STT3A: variants seen among roughly 807,000 people sequenced by gnomAD.
STT3A encodes the protein dolichyl-diphosphooligosaccharide--protein glycosyltransferase subunit STT3A.
In STT3A, 34 loss-of-function variants were observed where a neutral mutation model predicts 89.2. The ratio of observed to expected loss-of-function variants is 0.38; its 90% CI spans 0.29 to 0.51. The LOEUF is 0.51. STT3A is among the 20% of genes least tolerant of loss of function. The pLI, the probability that STT3A is intolerant of heterozygous loss-of-function variation, is 0.89. For synonymous variants in STT3A, 282 were observed against 310.3 expected (o/e 0.91, Z 0.96); for missense variants, 555 against 889.5 (o/e 0.62, Z 4.78).
At chr11:125,604,558 A>G (rs1045278215) in intron 6 of STT3A, among the ~76,000 whole-genome samples, 4 of 152,184 alleles carry the variant, frequency 2.6e-5, no homozygotes, top group Non-Finnish European at 5.9e-5. Flanking sequence ...AATTTTAATG[A>G]CTGATTGACT....
At chr11:125,595,035 C>T (rs758915942) in intron 1 of STT3A, 8 of 152,020 alleles carry the variant, frequency 5.3e-5, no homozygotes, top group Non-Finnish European at 1.0e-4. Context: ...TTAGTTGACC[C>T]GACAGCCCCA....
rs6590152 is a variant in STT3A, at chr11:125,607,992, G to A, written c.781-117G>A. Reference sequence around the variant, plus strand: ...TCCCTAGATTGGCCCTGATTCCTTCGGGGCCTCAGAACTCATTTGACCATT... The same window carrying A: ...TCCCTAGATTGGCCCTGATTCCTTCAGGGCCTCAGAACTCATTTGACCATT... On this transcript the variant is annotated intron_variant, in intron 8 of 17. Coordinates refer to ENST00000392708, the MANE Select transcript of STT3A (RefSeq NM_152713.5). The A allele has an allele frequency of 0.29, 311,587 of 1,083,356 alleles. 45,741 individuals are homozygous for A. The highest frequency in any genetic ancestry group is 0.38 in the East Asian group (14,525 of 37,956). 67.1% of individuals were successfully genotyped at this position (1,083,356 alleles called of 1,614,324 possible).
At chr11:125,606,789 A>T (rs1258736097) in intron 8 of STT3A, among the ~76,000 whole-genome samples, 1 of 152,174 alleles carries the variant, frequency 6.6e-6, no homozygotes. Context: ...AGATGACCCC[A>T]TGTAGTAGCA....
Position 125,623,041 on chromosome 11 carries a change from A to G in STT3A, c.*2231A>G, listed in dbSNP as rs535195134. On this transcript the variant is annotated 3_prime_UTR_variant, in exon 18 of 18. Coordinates refer to ENST00000392708, the MANE Select transcript of STT3A (RefSeq NM_152713.5). ...AGCAGACATCATGCCACTGCACTCCAACCTGGGAGACAGAGCAAGACTGTC... is the reference window on the plus strand; with the variant it reads ...AGCAGACATCATGCCACTGCACTCCGACCTGGGAGACAGAGCAAGACTGTC... 1 of 144,908 alleles carries G rather than the reference A, an allele frequency of 6.9e-6. No individual in the cohort carries two copies. The highest frequency in any genetic ancestry group is 2.0e-4 in the East Asian group (1 of 4,956). The allele number at this position is 144,908 out of a possible 1,614,324, so 9.0% of individuals were successfully genotyped here. A position where few individuals can be genotyped will look rare whatever the true frequency, so the allele number is the denominator to read the frequency against.
At chr11:125,609,246 G>T (rs930914362) in intron 9 of STT3A, among the ~76,000 whole-genome samples, 188 bp from the exon 10 acceptor site, 1 of 152,152 alleles carries the variant, frequency 6.6e-6, no homozygotes, top group African/African-American at 2.4e-5. Flanking sequence ...TGGCAGTGCT[G>T]ACAAAAGTAC....
Position 125,613,758 on chromosome 11 carries a change from T to G in STT3A, c.1555-329T>G, listed in dbSNP as rs141815307. On this transcript the variant is annotated intron_variant, in intron 13 of 17. Coordinates refer to ENST00000392708, the MANE Select transcript of STT3A (RefSeq NM_152713.5). This position sits in a 1 kb window ranked among gnomAD's most constrained non-coding sequence, Gnocchi z 4.2. ...TTTTGCAATTCTGTTAAAAGGTTAT[T>G]TAAGAAAATTGTCTAATGACACTAG... is the stretch of plus-strand genomic sequence containing the variant. 141 of 198,618 alleles carry G rather than the reference T, an allele frequency of 7.1e-4. No individual in the cohort carries two copies. The highest frequency in any genetic ancestry group is 1.2e-3 in the Non-Finnish European group (117 of 97,396). 12.3% of individuals were successfully genotyped at this position (198,618 alleles called of 1,614,324 possible).
Position 125,622,401 on chromosome 11 carries a change from T to A in STT3A, c.*1591T>A, listed in dbSNP as rs505232. ...GGAAGAGGTTATTCTGAATTATTTATCAATATGATTAATACCAGTTAGAAA... is the reference window on the plus strand; with the variant it reads ...GGAAGAGGTTATTCTGAATTATTTAACAATATGATTAATACCAGTTAGAAA... On this transcript the variant is annotated 3_prime_UTR_variant, in exon 18 of 18. Coordinates refer to ENST00000392708, the MANE Select transcript of STT3A (RefSeq NM_152713.5). 0.28 allele frequency: 42,339 copies of A among 152,134 alleles called. 6,097 individuals are homozygous for A. The highest frequency in any genetic ancestry group is 0.41 in the East Asian group (2,091 of 5,162). 9.4% of individuals were successfully genotyped at this position (152,134 alleles called of 1,614,324 possible). A position where few individuals can be genotyped will look rare whatever the true frequency, so the allele number is the denominator to read the frequency against.
At position 125,616,815 on chromosome 11, in the gene STT3A, C is replaced by A. The variant is rs182785146; in HGVS notation, c.1775-1558C>A. On this transcript the variant is annotated intron_variant, in intron 15 of 17. Coordinates refer to ENST00000392708, the MANE Select transcript of STT3A (RefSeq NM_152713.5). ...ACCTCAGCCTCCTGAGTAGCTGGGA[C>A]TACAGGCACACACCACCATGCCCGG... 3.7e-4 allele frequency among the ~76,000 whole-genome samples: 57 copies of A among 152,234 alleles called. No individual in the cohort carries two copies. In the East Asian group the frequency reaches 0.011, roughly 28 times the overall value.
chr11:125,597,060 C>T lies in STT3A; in HGVS notation c.90C>T (p.Ser30=). ...LLILSMAAVL[S]FSTRLFAVLR... Reference sequence around the variant, plus strand: ...ATATTAACTCTCTGGTTTTTGCAGCCTTCTCCACTCGTCTGTTTGCTGTCC... The same window carrying T: ...ATATTAACTCTCTGGTTTTTGCAGCTTTCTCCACTCGTCTGTTTGCTGTCC... Residue 30 remains serine (S), a splice_region_variant and synonymous_variant, in exon 3 of 18, where the codon TCC becomes TCT. Coordinates refer to ENST00000392708, the MANE Select transcript of STT3A (RefSeq NM_152713.5). The T allele has an allele frequency of 1.2e-6, 2 of 1,613,982 alleles. No homozygotes were observed. Among genetic ancestry groups the T allele is most frequent in the Admixed American group, 1.7e-5 (1 of 60,006 alleles).
At chr11:125,592,574 G>T, upstream of STT3A, 2 of 442,234 alleles carry the variant, frequency 4.5e-6, no homozygotes, top group South Asian at 3.2e-5. Context: ...AAACCGACAC[G>T]TCACTCCTCG....
At chr11:125,610,819 C>T (rs1010506866) in intron 10 of STT3A, 1 of 152,388 alleles carries the variant, frequency 6.6e-6, no homozygotes, top group African/African-American at 2.4e-5. Context: ...ACCTTTAGTC[C>T]CAGCTACTTG....
In STT3A at chr11:125,614,075, T is replaced by C. The variant is rs775577414; in HGVS notation, c.1555-12T>C. 1 of 1,611,480 alleles carries C rather than the reference T, an allele frequency of 6.2e-7. No homozygotes were observed. The highest frequency in any genetic ancestry group is 1.1e-5 in the South Asian group (1 of 90,926). On this transcript the variant is annotated splice_polypyrimidine_tract_variant and intron_variant, in intron 13 of 17. Coordinates refer to ENST00000392708, the MANE Select transcript of STT3A (RefSeq NM_152713.5). The surrounding 1 kb of genome is among the most constrained non-coding windows in gnomAD (Gnocchi z 4.9). ...AGAAGCTTGTTATTTCCATTTCCCA[T>C]TCTACTTTCAGGATGCGAAGGTCAT...
intron 15 of STT3A, among the ~76,000 whole-genome samples, chr11:125,616,264 C>T (rs1301338160): frequency 6.6e-6 from 1 of 152,136 alleles, no homozygotes; most frequent in Non-Finnish European, 1.5e-5. Context: ...ATAATATACA[C>T]ACATTCTCTT....
chr11:125,612,516 C>A, intron 11 of STT3A, 76 bp from the exon 12 acceptor site: 1 of 1,501,704 alleles, frequency 6.7e-7, no homozygotes, highest in Non-Finnish European at 8.9e-7. Flanking sequence ...AAATTGATGT[C>A]TTGATCTACT....
At chr11:125,592,612 T>G (rs1939336689), upstream of STT3A, 2 of 400,156 alleles carry the variant, frequency 5.0e-6, no homozygotes, top group Admixed American at 5.7e-5. Context: ...TTGGGGCACG[T>G]TCTTTCCGCG....
At chr11:125,596,255 G>A (rs1024689473) in intron 2 of STT3A, among the ~76,000 whole-genome samples, 3 of 152,064 alleles carry the variant, frequency 2.0e-5, no homozygotes, top group Admixed American at 2.0e-4. Flanking sequence ...ACTTGAGGCT[G>A]GGAGTTTGAG....
intron 3 of STT3A, among the ~76,000 whole-genome samples, chr11:125,601,196 G>C (rs1591372220): frequency 6.6e-6 from 1 of 152,236 alleles, no homozygotes. Flanking sequence ...GTTGTGTTAT[G>C]AAGTAGGTTA....
At chr11:125,610,210 A>G (rs1322852192) in intron 10 of STT3A, among the ~76,000 whole-genome samples, 1 of 151,848 alleles carries the variant, frequency 6.6e-6, no homozygotes, top group Non-Finnish European at 1.5e-5. Flanking sequence ...CTACAGGTGC[A>G]CACCACCATG....
In STT3A at chr11:125,614,796, GCCTGAC is replaced by G. The variant is rs1360764177; in HGVS notation, c.1774+371_1774+376del. ...GACCAGCTTAGAAATGTTTTATATG[GCCTGAC>G]AGCGTGTAAAAAAAGAGAACATTTT... is the stretch of plus-strand genomic sequence containing the variant. On this transcript the variant is annotated intron_variant, in intron 15 of 17. Coordinates refer to ENST00000392708, the MANE Select transcript of STT3A (RefSeq NM_152713.5). The surrounding 1 kb of genome is among the most constrained non-coding windows in gnomAD (Gnocchi z 4.9). Among the ~76,000 whole-genome samples the G allele has an allele frequency of 6.6e-6, 1 of 151,238 alleles. No individual in the cohort carries two copies. Among genetic ancestry groups the G allele is most frequent in the Admixed American group, 6.6e-5 (1 of 15,152 alleles).
Sources: gnomAD v4.1 joint callset for allele counts (sites outside exome capture counted in the v4.1 genomes callset) on GRCh38, gnomAD v4.1.1 for gene constraint, Gnocchi (gnomAD v3.1) non-coding constraint, MANE v1.5 for transcripts, NCBI Gene and HGNC (gene_info 2026-07-23, HGNC 2026-07-21) for gene names.